The following CLYBL variants were observed in gnomAD, a reference collection of about 807,000 sequenced individuals.
The protein encoded by CLYBL is citramalyl-CoA lyase, mitochondrial.
Under a neutral mutation model 38.9 loss-of-function variants are expected in CLYBL, and 31 were observed. That is an observed-to-expected ratio of 0.80 (90% confidence interval 0.60 to 1.08). CLYBL has a LOEUF of 1.08. Among genes scored for constraint, CLYBL ranks in the 50% least tolerant of loss-of-function variants. The pLI is 0.00. For missense variants in CLYBL, 434 were observed against 411.6 expected, an observed-to-expected ratio of 1.05 and a Z score of -0.47; for synonymous variants, 171 against 158.6, an observed-to-expected ratio of 1.08 and a Z score of -0.59.
chr13:99,853,589 C>G (rs79525961), intron 2 of CLYBL, among the ~76,000 whole-genome samples: 3,616 of 152,210 alleles, frequency 0.024, 125 homozygotes, highest in East Asian at 0.19. Flanking sequence ...AAACTCAACA[C>G]TCACCTTGCC....
chr13:99,877,861 C>T (rs983984638), intron 7 of CLYBL, among the ~76,000 whole-genome samples: 1 of 152,078 alleles, frequency 6.6e-6, no homozygotes. Context: ...CGTAAGCCAC[C>T]GCGCCCAGCC....
intron 2 of CLYBL, among the ~76,000 whole-genome samples, chr13:99,814,811 G>A (rs940659031): frequency 2.0e-5 from 3 of 151,846 alleles, no homozygotes; most frequent in Admixed American, 6.6e-5. Context: ...CAGGAGGATT[G>A]CTTGAGTCCA....
rs543168057 is a variant in CLYBL at position 99,733,281 on chromosome 13, A to C, written c.63-39543A>C. On this transcript the variant is annotated intron_variant, in intron 1 of 8. Transcript: ENST00000339105. ...GAGTAGAGAACAGAACTTAAAAAAA[A>C]AAACAAACTGTAATTACTAGGAAAT... Among the ~76,000 whole-genome samples the C allele has an allele frequency of 1.7e-3, 259 of 152,320 alleles. 1 individual carries two copies. Among genetic ancestry groups the C allele is most frequent in the African/African-American group, 5.5e-3 (230 of 41,568 alleles).
chr13:99,715,837 C>T (rs2048303867), intron 1 of CLYBL, among the ~76,000 whole-genome samples: 1 of 152,102 alleles, frequency 6.6e-6, no homozygotes, highest in African/African-American at 2.4e-5. Context: ...AGTGTTTTCA[C>T]TTGTTGATTC....
intron 2 of CLYBL, among the ~76,000 whole-genome samples, chr13:99,823,976 A>T (rs769769248): frequency 6.6e-6 from 1 of 151,920 alleles, no homozygotes; most frequent in Non-Finnish European, 1.5e-5. Context: ...TTCTTGGTTT[A>T]TTCCTTCATT....
intron 1 of CLYBL, among the ~76,000 whole-genome samples, chr13:99,748,372 T>C (rs917313591): frequency 1.4e-5 from 2 of 147,524 alleles, no homozygotes; most frequent in Admixed American, 1.3e-4. Context: ...AGAGCAAGAC[T>C]CTGTCTCAAA....
chr13:99,871,173 G>A (rs531391848), intron 7 of CLYBL, 111 bp downstream of exon 7: 2 of 1,222,668 alleles, frequency 1.6e-6, no homozygotes, highest in East Asian at 2.4e-5. Flanking sequence ...TATCTGGAGA[G>A]GGGGGAAAGG....
At chr13:99,660,100 A>C (rs1594106155) in intron 1 of CLYBL, among the ~76,000 whole-genome samples, 1 of 152,226 alleles carries the variant, frequency 6.6e-6, no homozygotes, top group East Asian at 1.9e-4. Flanking sequence ...GCTAGGTGCG[A>C]ATGGAATAAA....
At chr13:99,616,596 ACAC>A (rs1318977570) in intron 1 of CLYBL, among the ~76,000 whole-genome samples, 2 of 152,156 alleles carry the variant, frequency 1.3e-5, no homozygotes, top group African/African-American at 2.4e-5. Flanking sequence ...CTTCTGAACT[ACAC>A]CACATGTTAA....
At chr13:99,668,574 AAACTCCATCTC>A in intron 1 of CLYBL, among the ~76,000 whole-genome samples, 1 of 133,748 alleles carries the variant, frequency 7.5e-6, no homozygotes, top group Non-Finnish European at 1.6e-5. Context: ...AGACAGAGCG[AAACTCCATCTC>A]AAAAAAAAAA....
chr13:99,644,510 A>C (rs572421145), intron 1 of CLYBL, among the ~76,000 whole-genome samples: 408 of 152,314 alleles, frequency 2.7e-3, no homozygotes, highest in Non-Finnish European at 4.3e-3. Context: ...TTGTGTTTCA[A>C]ACATTCCAGT....
At chr13:99,888,006 C>A (rs140238954) in intron 7 of CLYBL, among the ~76,000 whole-genome samples, 1 of 152,120 alleles carries the variant, frequency 6.6e-6, no homozygotes, top group African/African-American at 2.4e-5. Context: ...CAGGCACCCA[C>A]GACCATGCCC....
intron 2 of CLYBL, among the ~76,000 whole-genome samples, chr13:99,778,245 G>A (rs2049563696): frequency 6.6e-6 from 1 of 151,942 alleles, no homozygotes; most frequent in Admixed American, 6.6e-5. Flanking sequence ...TCTTAATCAT[G>A]TTTCTTATTT....
downstream of CLYBL, among the ~76,000 whole-genome samples, chr13:99,902,082 T>G (rs1022343431): frequency 6.6e-6 from 1 of 152,222 alleles, no homozygotes; most frequent in Non-Finnish European, 1.5e-5. Context: ...TGAGAAAGTT[T>G]AACTTCACAT....
At chr13:99,615,415 G>A (rs572897596) in intron 1 of CLYBL, among the ~76,000 whole-genome samples, 4 of 152,268 alleles carry the variant, frequency 2.6e-5, no homozygotes, top group East Asian at 3.9e-4. Flanking sequence ...CTATTAGTAC[G>A]TTTAATTAAA....
intron 1 of CLYBL, among the ~76,000 whole-genome samples, chr13:99,754,765 T>TTG (rs2049027681): frequency 6.7e-6 from 1 of 150,100 alleles, no homozygotes; most frequent in Admixed American, 6.6e-5. Context: ...TTTTTTTTTT[T>TTG]GTATTATTAG....
chr13:99,897,994 A>C (rs2052602365), downstream of CLYBL, among the ~76,000 whole-genome samples: 1 of 152,096 alleles, frequency 6.6e-6, no homozygotes, highest in Admixed American at 6.5e-5. Flanking sequence ...TGGGGATTGG[A>C]GCCCCAGGCC....
chr13:99,617,459 G>C (rs1382369571), intron 1 of CLYBL, among the ~76,000 whole-genome samples: 1 of 152,194 alleles, frequency 6.6e-6, no homozygotes, highest in East Asian at 1.9e-4. Context: ...TTCTTTGTGA[G>C]AAGGTTGATA....
chr13:99,744,012 A>T (rs1397202901), intron 1 of CLYBL, among the ~76,000 whole-genome samples: 1 of 120,026 alleles, frequency 8.3e-6, no homozygotes, highest in African/African-American at 3.4e-5. Flanking sequence ...TCGCTCTGTC[A>T]CCCAGGCTGG....
Sources: allele counts gnomAD v4.1 joint callset (sites outside exome capture counted in the v4.1 genomes callset), GRCh38; gene constraint gnomAD v4.1.1; transcripts MANE v1.5; gene names NCBI Gene and HGNC (gene_info 2026-07-23, HGNC 2026-07-21).